NSD2: variants seen among roughly 807,000 people sequenced by gnomAD.
The protein encoded by NSD2 is histone-lysine N-methyltransferase NSD2.
NSD2 carries 12 observed loss-of-function variants against 139.0 expected under a neutral mutation model. That is an observed-to-expected ratio of 0.09 (90% confidence interval 0.06 to 0.14). The LOEUF (loss-of-function observed/expected upper bound fraction) is 0.14. Ranked by LOEUF, NSD2 falls within the 10% of genes least tolerant of loss-of-function variation. NSD2 has a pLI of 1.00. For synonymous variants in NSD2, 669 were observed against 648.7 expected (o/e 1.03, Z -0.48); for missense variants, 1,155 against 1,745.0 (o/e 0.66, Z 6.02).
Position 1,981,323 on chromosome 4 carries a change from G to A in NSD2, c.*2414G>A, listed in dbSNP as rs886059334. ...CGGCCCTGAGCTTGCAGGGTTTCTC[G>A]CCACTGGGGCTGACCACGCCCCCAG... On this transcript the variant is annotated 3_prime_UTR_variant, in exon 22 of 22. Transcript: ENST00000508803. 4 of 233,174 alleles carry A rather than the reference G, an allele frequency of 1.7e-5. No homozygotes were observed. The highest frequency in any genetic ancestry group is 6.6e-5 in the African/African-American group (3 of 45,302). 14.4% of individuals were successfully genotyped at this position (233,174 alleles called of 1,614,324 possible).
At chr4:1,885,494 T>A (rs1029819984) in intron 1 of NSD2, among the ~76,000 whole-genome samples, 5 of 152,242 alleles carry the variant, frequency 3.3e-5, no homozygotes, top group African/African-American at 2.4e-5. Context: ...ATAAAACTTC[T>A]GAGGTAAAGG....
At chr4:1,930,807 T>C in intron 6 of NSD2, 37 bp downstream of exon 6, 1 of 1,596,750 alleles carries the variant, frequency 6.3e-7, no homozygotes, top group Non-Finnish European at 8.5e-7. Flanking sequence ...TCTGCTTGGG[T>C]TGATGTGTGT....
intron 1 of NSD2, among the ~76,000 whole-genome samples, chr4:1,890,846 C>T (rs879691475): frequency 1.1e-4 from 16 of 152,086 alleles, no homozygotes; most frequent in Non-Finnish European, 2.2e-4. Context: ...GATCACCTGC[C>T]TCAGCCTCCC....
chr4:1,938,377 C>CTT, intron 7 of NSD2, 74 bp from the exon 8 acceptor site: 2 of 978,378 alleles, frequency 2.0e-6, no homozygotes, highest in Admixed American at 6.2e-5. Flanking sequence ...TGTTCTTTTT[C>CTT]TTTTTTTTTC....
chr4:1,949,766 G>GAAA (rs74623987), intron 9 of NSD2, among the ~76,000 whole-genome samples: 1 of 105,832 alleles, frequency 9.4e-6, no homozygotes, highest in Non-Finnish European at 1.9e-5. Flanking sequence ...TCTGTCTCGA[G>GAAA]AAAAAAAAAA....
At chr4:1,909,397 CTG>C (rs1718370205) in intron 3 of NSD2, among the ~76,000 whole-genome samples, 1 of 152,114 alleles carries the variant, frequency 6.6e-6, no homozygotes, top group African/African-American at 2.4e-5. Flanking sequence ...AAGGGAAACT[CTG>C]TGCAGTAGGT....
intron 3 of NSD2, among the ~76,000 whole-genome samples, chr4:1,909,268 C>T (rs143043790): frequency 6.6e-6 from 1 of 152,052 alleles, no homozygotes. Context: ...CACCACCCCC[C>T]CCAACCCTAG....
chr4:1,938,216 T>A (rs1482192286), intron 7 of NSD2, among the ~76,000 whole-genome samples: 6 of 152,072 alleles, frequency 3.9e-5, no homozygotes. Flanking sequence ...AAAGAATCAG[T>A]CCAGATTGTG....
chr4:1,916,015 C>A (rs1342038782), intron 3 of NSD2, among the ~76,000 whole-genome samples: 2 of 152,158 alleles, frequency 1.3e-5, no homozygotes, highest in African/African-American at 4.8e-5. Context: ...CTTTCCTCAT[C>A]CCCCTGGCTG....
In NSD2 at chr4:1,901,238, C is replaced by T. The variant is rs752263356; in HGVS notation, c.584C>T (p.Pro195Leu). 3 of 1,572,368 alleles carry T rather than the reference C, an allele frequency of 1.9e-6. No homozygotes were observed. Among genetic ancestry groups the T allele is most frequent in the Non-Finnish European group, 2.6e-6 (3 of 1,164,150 alleles). Residue 195 changes from proline (P) to leucine (L), a missense_variant, in exon 2 of 22, where the codon CCT becomes CTT. By Grantham distance (98) the Pro-to-Leu change is moderately conservative (BLOSUM62 -3). This residue lies in a region of NSD2 where 246 missense variants were observed against 262.8 expected (regional missense o/e 0.94). Transcript: ENST00000508803. ...EAALVSKISS[P>L]SDKKIPAKKE... ...GCTCTTGTGTCTAAGATCTCAAGTC[C>T]TTCAGATAAAAAGGTATTTAGGAGA...
chr4:1,938,597 C>A, intron 8 of NSD2, 65 bp downstream of exon 8: 1 of 1,246,058 alleles, frequency 8.0e-7, no homozygotes, highest in Non-Finnish European at 1.2e-6. Context: ...GGTGGGTGGG[C>A]TGAGAGTGTG....
intron 18 of NSD2, among the ~76,000 whole-genome samples, chr4:1,969,303 G>GT (rs1726194317): frequency 6.6e-6 from 1 of 152,190 alleles, no homozygotes; most frequent in Admixed American, 6.5e-5. Flanking sequence ...GTTCTGTGGT[G>GT]AGGAGACCTC....
intron 9 of NSD2, chr4:1,946,984 C>T: frequency 9.4e-7 from 1 of 1,062,802 alleles, no homozygotes. Flanking sequence ...GCTGACCATC[C>T]AGGCATATAG....
chr4:1,982,192 C>T lies in NSD2; in HGVS notation c.*3283C>T, dbSNP rs1727834806. The T allele has an allele frequency of 5.5e-6, 2 of 362,038 alleles. No homozygotes were observed. The highest frequency in any genetic ancestry group is 2.1e-5 in the African/African-American group (1 of 48,018). 22.4% of individuals were successfully genotyped at this position (362,038 alleles called of 1,614,324 possible). A position where few individuals can be genotyped will look rare whatever the true frequency, so the allele number is the denominator to read the frequency against. ...TTTTGTATTAAAAACATTTTAAAGG[C>T]TTTTTTCTTAACTTATTTTATATGG... is the stretch of plus-strand genomic sequence containing the variant. On this transcript the variant is annotated 3_prime_UTR_variant, in exon 22 of 22. Coordinates refer to ENST00000508803, the MANE Select transcript of NSD2 (RefSeq NM_001042424.3).
chr4:1,904,821 C>T (rs999246162), intron 3 of NSD2, among the ~76,000 whole-genome samples: 1 of 152,066 alleles, frequency 6.6e-6, no homozygotes, highest in Non-Finnish European at 1.5e-5. Context: ...TTACATGGAG[C>T]GGCTGATGTA....
intron 6 of NSD2, among the ~76,000 whole-genome samples, chr4:1,934,196 C>T (rs1722028003): frequency 6.6e-6 from 1 of 151,190 alleles, no homozygotes; most frequent in South Asian, 2.1e-4. Flanking sequence ...AGCGATTCTT[C>T]TGCCTCAGCC....
At chr4:1,947,023 T>A (rs1357810041) in intron 9 of NSD2, 1 of 1,063,348 alleles carries the variant, frequency 9.4e-7, no homozygotes, top group East Asian at 5.0e-5. Context: ...GAGGTAGGGG[T>A]GGGGGTCCTG....
chr4:1,892,225 A>G (rs1218906488), intron 1 of NSD2: 2 of 152,268 alleles, frequency 1.3e-5, no homozygotes, highest in African/African-American at 4.8e-5. Flanking sequence ...GGCTCAAGCG[A>G]TCCTCCTGCC....
At chr4:1,978,059 G>T (rs530721206) in intron 21 of NSD2, among the ~76,000 whole-genome samples, 1 of 151,290 alleles carries the variant, frequency 6.6e-6, no homozygotes, top group African/African-American at 2.4e-5. Context: ...CCCAAGAGAC[G>T]GAGGCTGCAG....
Sources: gnomAD v4.1 joint callset for allele counts (sites outside exome capture counted in the v4.1 genomes callset) on GRCh38, gnomAD v4.1.1 for gene constraint, gnomAD v4.1.1 regional missense constraint, MANE v1.5 for transcripts, NCBI Gene and HGNC (gene_info 2026-07-23, HGNC 2026-07-21) for gene names.